ORC4: variants seen among roughly 807,000 people sequenced by gnomAD.
ORC4 encodes origin recognition complex subunit 4.
In ORC4, 55 loss-of-function variants were observed where a neutral mutation model predicts 63.9. That is an observed-to-expected ratio of 0.86 (90% confidence interval 0.69 to 1.08). ORC4 has a LOEUF of 1.08. Ranked by LOEUF, ORC4 falls within the 50% of genes least tolerant of loss-of-function variation. The probability of loss-of-function intolerance (pLI) is 0.00; values close to 1 mark genes in which losing one functional copy is unlikely to be tolerated. For missense variants in ORC4, 511 were observed against 504.4 expected (o/e 1.01, Z -0.13); for synonymous variants, 150 against 168.5 (o/e 0.89, Z 0.85).
chr2:147,992,683 T>A (rs979246609), intron 1 of ORC4, among the ~76,000 whole-genome samples: 1 of 152,222 alleles, frequency 6.6e-6, no homozygotes, highest in African/African-American at 2.4e-5. Flanking sequence ...TTGAGTTTAC[T>A]TAAATGTAAG....
intron 10 of ORC4, 107 bp downstream of exon 10, chr2:147,943,329 T>G: frequency 1.4e-6 from 1 of 735,174 alleles, no homozygotes; most frequent in Non-Finnish European, 2.5e-6. Context: ...GGTGGGAGGA[T>G]GGCTTAAGGC....
chr2:147,986,017 A>T (rs1274528120), intron 1 of ORC4, among the ~76,000 whole-genome samples: 1 of 152,192 alleles, frequency 6.6e-6, no homozygotes, highest in Admixed American at 6.6e-5. Context: ...CTGAAAGAAC[A>T]CGGTTATTAT....
Position 147,952,368 on chromosome 2 carries a change from C to T in ORC4, c.588+5G>A, listed in dbSNP as rs2105297960. ...TCAATTTTTTTAATGAACAGAAAGA[C>T]TTACCAATCTACATGTAAGACCAAT... On this transcript the variant is annotated splice_donor_5th_base_variant and intron_variant, in intron 8 of 13. Coordinates refer to ENST00000392857, the MANE Select transcript of ORC4 (RefSeq NM_181741.4). 1 of 1,588,524 alleles carries T rather than the reference C, an allele frequency of 6.3e-7. No homozygotes were observed. Among genetic ancestry groups the T allele is most frequent in the Non-Finnish European group, 8.6e-7 (1 of 1,158,970 alleles).
intron 4 of ORC4, among the ~76,000 whole-genome samples, chr2:147,959,459 G>A (rs1380923196): frequency 6.6e-6 from 1 of 151,518 alleles, no homozygotes; most frequent in African/African-American, 2.4e-5. Context: ...TAAAATATAG[G>A]TACTATCATA....
intron 9 of ORC4, among the ~76,000 whole-genome samples, chr2:147,945,426 T>C (rs572489787): frequency 5.6e-4 from 85 of 152,196 alleles, no homozygotes; most frequent in African/African-American, 1.9e-3. Context: ...AAAAAAATTG[T>C]CTAACCTCGT....
intron 4 of ORC4, among the ~76,000 whole-genome samples, chr2:147,963,029 G>T (rs1689694445): frequency 6.6e-6 from 1 of 152,034 alleles, no homozygotes; most frequent in Non-Finnish European, 1.5e-5. Context: ...CTGAGAAGTA[G>T]CCCTTCAGGC....
chr2:148,008,439 T>G lies in ORC4; in HGVS notation c.-18+12194A>C, dbSNP rs17225221. Among the ~76,000 whole-genome samples, 561 of 152,274 alleles carry G rather than the reference T, an allele frequency of 3.7e-3. 1 individual carries two copies. The highest frequency in any genetic ancestry group is 6.4e-3 in the Non-Finnish European group (435 of 68,018). ...CTGTAAGGAAATACAAGGGGAGGGA[T>G]TGTTAGATATGAGTTCTAAATTTCT... On this transcript the variant is annotated intron_variant, in intron 1 of 13. Transcript: ENST00000392857.
chr2:147,975,690 T>C (rs978247707), intron 2 of ORC4, among the ~76,000 whole-genome samples: 3 of 152,162 alleles, frequency 2.0e-5, no homozygotes, highest in Non-Finnish European at 2.9e-5. Flanking sequence ...ACATTTAATT[T>C]TGACAGAGTT....
chr2:147,960,562 T>G (rs1411152819), intron 4 of ORC4, among the ~76,000 whole-genome samples: 2 of 152,246 alleles, frequency 1.3e-5, no homozygotes, highest in Non-Finnish European at 2.9e-5. Context: ...TTTACAAACA[T>G]ACTAAGATAA....
intron 1 of ORC4, among the ~76,000 whole-genome samples, chr2:148,016,963 A>C (rs997487794): frequency 6.6e-6 from 1 of 152,242 alleles, no homozygotes; most frequent in African/African-American, 2.4e-5. Flanking sequence ...TCAAGATTGA[A>C]GGCAAAACAA....
intron 10 of ORC4, among the ~76,000 whole-genome samples, chr2:147,940,982 T>C (rs1347120425): frequency 2.0e-5 from 3 of 152,158 alleles, no homozygotes; most frequent in African/African-American, 7.2e-5. Flanking sequence ...ATGTCTATAC[T>C]ATTAGGTTGG....
At chr2:147,982,884 A>G (rs749081836) in intron 1 of ORC4, among the ~76,000 whole-genome samples, 5 of 152,226 alleles carry the variant, frequency 3.3e-5, no homozygotes, top group Non-Finnish European at 7.3e-5. Flanking sequence ...TCAACACTCA[A>G]TAATAAAAAA....
At chr2:148,007,487 T>A (rs947154663) in intron 1 of ORC4, among the ~76,000 whole-genome samples, 8 of 151,998 alleles carry the variant, frequency 5.3e-5, no homozygotes, top group Non-Finnish European at 1.0e-4. Context: ...AAGAATAAAT[T>A]AGTGAGCTTG....
intron 1 of ORC4, among the ~76,000 whole-genome samples, chr2:147,979,820 G>A (rs1018759613): frequency 2.0e-5 from 3 of 152,092 alleles, no homozygotes; most frequent in East Asian, 3.8e-4. Context: ...AACACACAAC[G>A]GAGTAAGGAC....
Position 147,943,491 on chromosome 2 carries a change from A to G in ORC4, c.794T>C (p.Val265Ala), listed in dbSNP as rs1201990355. The part of the protein sequence containing the change: ...YLSEDRSVQE[V>A]LQKHFNISKN... Reference sequence around the variant, plus strand: ...GCTGATATTGAAATGCTTCTGTAGTACTTCTTGCACACTTCTATCTTCTGA... The same window carrying G: ...GCTGATATTGAAATGCTTCTGTAGTGCTTCTTGCACACTTCTATCTTCTGA... Residue 265 changes from valine to alanine, a missense_variant, in exon 10 of 14, where the codon GTA (valine) becomes GCA (alanine). Physicochemically the swap from Val to Ala is moderately conservative, Grantham distance 64. Transcript: ENST00000392857. 2.1e-5 allele frequency: 33 copies of G among 1,595,082 alleles called. No individual in the cohort carries two copies. The highest frequency in any genetic ancestry group is 2.7e-5 in the Non-Finnish European group (32 of 1,163,756).
chr2:147,970,357 A>C (rs959132136), intron 4 of ORC4, among the ~76,000 whole-genome samples: 17 of 152,190 alleles, frequency 1.1e-4, no homozygotes, highest in African/African-American at 3.4e-4. Flanking sequence ...GTTAATATGA[A>C]AAGGCAAAGT....
chr2:147,985,253 G>A (rs904394151), intron 1 of ORC4, among the ~76,000 whole-genome samples: 1 of 152,090 alleles, frequency 6.6e-6, no homozygotes, highest in Non-Finnish European at 1.5e-5. Flanking sequence ...CTGGAGTGCA[G>A]TGGCGCTATC....
chr2:147,941,246 A>G (rs1365889791), intron 10 of ORC4, among the ~76,000 whole-genome samples: 2 of 152,040 alleles, frequency 1.3e-5, no homozygotes, highest in Non-Finnish European at 2.9e-5. Context: ...TCCTATTGAC[A>G]GACATCTTTC....
At chr2:147,937,552 T>C (rs1431352868) in intron 13 of ORC4, among the ~76,000 whole-genome samples, 2 of 152,338 alleles carry the variant, frequency 1.3e-5, no homozygotes, top group Admixed American at 6.5e-5. Context: ...ACTGTTCTTC[T>C]ATAATGATTA....
Sources: gnomAD v4.1 joint callset for allele counts (sites outside exome capture counted in the v4.1 genomes callset) on GRCh38, gnomAD v4.1.1 for gene constraint, MANE v1.5 for transcripts, NCBI Gene and HGNC (gene_info 2026-07-23, HGNC 2026-07-21) for gene names.